Variants in SDCCAG8 observed in about 807,000 individuals in gnomAD.
The protein encoded by SDCCAG8 is SHH signaling and ciliogenesis regulator SDCCAG8, also known as serologically defined colon cancer antigen 8.
In SDCCAG8, 74 loss-of-function variants were observed where a neutral mutation model predicts 101.8. The observed-to-expected ratio is 0.73, with a 90% CI of 0.60 to 0.88. The LOEUF (loss-of-function observed/expected upper bound fraction) is 0.88. Ranked by LOEUF, SDCCAG8 falls within the 40% of genes least tolerant of loss-of-function variation. The probability of loss-of-function intolerance (pLI) is 0.00; values close to 1 mark genes in which losing one functional copy is unlikely to be tolerated. For synonymous variants in SDCCAG8, 281 were observed against 292.9 expected (o/e 0.96, Z 0.41); for missense variants, 787 against 822.6 (o/e 0.96, Z 0.53).
intron 13 of SDCCAG8, among the ~76,000 whole-genome samples, chr1:243,406,830 T>C (rs984488604): frequency 6.6e-6 from 1 of 152,196 alleles, no homozygotes; most frequent in Non-Finnish European, 1.5e-5. Flanking sequence ...CTCCACCCTG[T>C]GTCTTTGCAC....
chr1:243,381,248 A>G (rs1416509899), intron 13 of SDCCAG8, among the ~76,000 whole-genome samples: 2 of 152,180 alleles, frequency 1.3e-5, no homozygotes, highest in Non-Finnish European at 2.9e-5. Context: ...AACCTAAAAG[A>G]AAAATAGCCT....
intron 17 of SDCCAG8, among the ~76,000 whole-genome samples, chr1:243,491,742 C>T (rs1305932424): frequency 7.2e-5 from 11 of 152,186 alleles, no homozygotes; most frequent in East Asian, 1.9e-4. Flanking sequence ...GATGCGGTGC[C>T]GCCTGAGGGC....
intron 13 of SDCCAG8, among the ~76,000 whole-genome samples, chr1:243,395,668 C>G (rs1286397255): frequency 6.6e-6 from 1 of 152,014 alleles, no homozygotes; most frequent in Non-Finnish European, 1.5e-5. Context: ...TTTAACCTAT[C>G]TTTTTGATTT....
chr1:243,469,545 GT>G (rs1204410411), intron 16 of SDCCAG8, among the ~76,000 whole-genome samples: 1 of 152,098 alleles, frequency 6.6e-6, no homozygotes, highest in African/African-American at 2.4e-5. Context: ...CACTCCTCAT[GT>G]TTTTACATTT....
In SDCCAG8 at chr1:243,290,334, A is replaced by G. The variant is rs188115754; in HGVS notation, c.547-2757A>G. Among the ~76,000 whole-genome samples the G allele has an allele frequency of 1.2e-4, 18 of 152,304 alleles. No homozygotes were observed. In the East Asian group the frequency reaches 3.5e-3, roughly 29 times the overall value. ...CAAGTTTTTTAAAACTATCTGTGAA[A>G]GAACAAAATGTCCGTTAGACTAGCA... On this transcript the variant is annotated intron_variant, in intron 5 of 17. Coordinates refer to ENST00000366541, the MANE Select transcript of SDCCAG8 (RefSeq NM_006642.5).
chr1:243,490,749 A>G (rs942099582), intron 17 of SDCCAG8, among the ~76,000 whole-genome samples: 1 of 152,308 alleles, frequency 6.6e-6, no homozygotes, highest in East Asian at 1.9e-4. Flanking sequence ...GGAGAGGTTC[A>G]GGGAAGGCAG....
At chr1:243,268,682 C>A (rs2067830159) in intron 1 of SDCCAG8, among the ~76,000 whole-genome samples, 1 of 151,690 alleles carries the variant, frequency 6.6e-6, no homozygotes, top group Non-Finnish European at 1.5e-5. Flanking sequence ...ATAACAGAGA[C>A]TTTTTTTTTC....
At chr1:243,394,358 G>A (rs997519624) in intron 13 of SDCCAG8, among the ~76,000 whole-genome samples, 5 of 152,146 alleles carry the variant, frequency 3.3e-5, no homozygotes, top group Non-Finnish European at 7.4e-5. Context: ...ATTTAAAGTT[G>A]TCATTTAGTC....
rs1344471075 is a variant in SDCCAG8 at position 243,490,695 on chromosome 1, C to T, written c.2112+1555C>T. ...GGCCCTTGGGCACACAGGCTGAGGACGTGTGAGGGTGTTTCCTTTCTCCCT... is the reference window on the plus strand; with the variant it reads ...GGCCCTTGGGCACACAGGCTGAGGATGTGTGAGGGTGTTTCCTTTCTCCCT... On this transcript the variant is annotated intron_variant, in intron 17 of 17. Transcript: ENST00000366541. Among the ~76,000 whole-genome samples, 10 of 152,336 alleles carry T rather than the reference C, an allele frequency of 6.6e-5. No homozygotes were observed. The East Asian group carries it at 1.5e-3, about 24-fold the overall frequency.
At chr1:243,412,787 A>G (rs1039876535) in intron 13 of SDCCAG8, among the ~76,000 whole-genome samples, 2 of 152,074 alleles carry the variant, frequency 1.3e-5, no homozygotes, top group Non-Finnish European at 2.9e-5. Context: ...ATCATTCACT[A>G]TGCAACCTAT....
chr1:243,500,090 G>T lies in SDCCAG8; in HGVS notation c.*305G>T. 2.4e-6 allele frequency: 1 copy of T among 408,868 alleles called. No homozygotes were observed. The highest frequency in any genetic ancestry group is 4.4e-6 in the Non-Finnish European group (1 of 229,024). 25.3% of individuals were successfully genotyped at this position (408,868 alleles called of 1,614,324 possible). Reference sequence around the variant, plus strand: ...ATTTTCAATAAATGAACTTTTTAAAGACTTGAGTTGTAATGTTTCCTTTTT... The same window carrying T: ...ATTTTCAATAAATGAACTTTTTAAATACTTGAGTTGTAATGTTTCCTTTTT... On this transcript the variant is annotated 3_prime_UTR_variant, in exon 18 of 18. Coordinates refer to ENST00000366541, the MANE Select transcript of SDCCAG8 (RefSeq NM_006642.5).
chr1:243,491,521 A>C (rs759971530), intron 17 of SDCCAG8, among the ~76,000 whole-genome samples: 2 of 152,232 alleles, frequency 1.3e-5, no homozygotes, highest in Admixed American at 6.5e-5. Context: ...GAGAGGAGGC[A>C]GGGATCCAGG....
chr1:243,389,159 C>CG (rs2078537622), intron 13 of SDCCAG8, among the ~76,000 whole-genome samples: 1 of 142,572 alleles, frequency 7.0e-6, no homozygotes, highest in Non-Finnish European at 1.5e-5. Context: ...CTCCCCCCCC[C>CG]AAAAAAAAAA....
intron 16 of SDCCAG8, among the ~76,000 whole-genome samples, chr1:243,469,258 G>C (rs188808846): frequency 6.6e-6 from 1 of 151,440 alleles, no homozygotes; most frequent in East Asian, 1.9e-4. Context: ...AGCATCCATG[G>C]CATGCTTTTT....
intron 16 of SDCCAG8, among the ~76,000 whole-genome samples, chr1:243,436,006 G>T (rs552618297): frequency 6.6e-6 from 1 of 152,124 alleles, no homozygotes; most frequent in African/African-American, 2.4e-5. Context: ...TGGTATAATT[G>T]TTACAATTGA....
chr1:243,259,853 A>C (rs970333401), intron 1 of SDCCAG8, among the ~76,000 whole-genome samples: 1 of 152,006 alleles, frequency 6.6e-6, no homozygotes, highest in Admixed American at 6.6e-5. Context: ...AACAAACAAA[A>C]AAAGATATTT....
intron 16 of SDCCAG8, among the ~76,000 whole-genome samples, chr1:243,468,482 T>C (rs1660582644): frequency 6.6e-6 from 1 of 152,216 alleles, no homozygotes; most frequent in African/African-American, 2.4e-5. Context: ...CCTCCCAAAG[T>C]CCTGGGATTA....
chr1:243,462,153 G>A (rs1659242473), intron 16 of SDCCAG8, among the ~76,000 whole-genome samples: 1 of 152,172 alleles, frequency 6.6e-6, no homozygotes, highest in Admixed American at 6.5e-5. Context: ...GGAAAGGTTT[G>A]GAGGCCAGGC....
chr1:243,493,853 A>C (rs1667175440), intron 17 of SDCCAG8, among the ~76,000 whole-genome samples: 1 of 151,800 alleles, frequency 6.6e-6, no homozygotes, highest in Non-Finnish European at 1.5e-5. Context: ...AAGATGATGA[A>C]GGGAGGAAAG....
Sources: allele counts gnomAD v4.1 joint callset (sites outside exome capture counted in the v4.1 genomes callset), GRCh38; gene constraint gnomAD v4.1.1; transcripts MANE v1.5; gene names NCBI Gene and HGNC (gene_info 2026-07-23, HGNC 2026-07-21).